ANKRD44: variants seen among roughly 807,000 people sequenced by gnomAD.
The protein encoded by ANKRD44 is serine/threonine-protein phosphatase 6 regulatory ankyrin repeat subunit B.
In ANKRD44, 35 loss-of-function variants were observed where a neutral mutation model predicts 116.0. That is an observed-to-expected ratio of 0.30 (90% CI 0.23 to 0.40). The LOEUF is 0.40. Ranked by LOEUF, ANKRD44 falls within the 10% of genes least tolerant of loss-of-function variation. The pLI, the probability that ANKRD44 is intolerant of heterozygous loss-of-function variation, is 1.00. For missense variants in ANKRD44, 1,014 were observed against 1,242.6 expected, an observed-to-expected ratio of 0.82 and a Z score of 2.77; for synonymous variants, 435 against 461.8, an observed-to-expected ratio of 0.94 and a Z score of 0.74.
chr2:196,973,600 A>T (rs2075730894), intron 21 of ANKRD44, among the ~76,000 whole-genome samples: 1 of 152,152 alleles, frequency 6.6e-6, no homozygotes, highest in Non-Finnish European at 1.5e-5. Context: ...TGGTTTTCCC[A>T]GTTCTTCTCA....
At chr2:197,288,019 CAAAAAA>C (rs10666895) in intron 1 of ANKRD44, among the ~76,000 whole-genome samples, 1 of 81,796 alleles carries the variant, frequency 1.2e-5, no homozygotes, top group South Asian at 4.9e-4. Flanking sequence ...GACTCAGTCT[CAAAAAA>C]AAAAAAAAAA....
intron 1 of ANKRD44, among the ~76,000 whole-genome samples, chr2:197,209,346 T>C (rs1033013032): frequency 6.6e-6 from 1 of 152,232 alleles, no homozygotes; most frequent in African/African-American, 2.4e-5. Context: ...AGAGTAAACC[T>C]GGCTTGAAAA....
chr2:197,109,640 A>G (rs1054516103), intron 9 of ANKRD44, among the ~76,000 whole-genome samples: 3 of 152,236 alleles, frequency 2.0e-5, no homozygotes, highest in African/African-American at 7.2e-5. Context: ...CTTATAGATG[A>G]GAAAAATACA....
Position 196,987,852 on chromosome 2 carries a change from TAGAA to T in ANKRD44, c.*1735_*1738del, listed in dbSNP as rs911721011. On this transcript the variant is annotated 3_prime_UTR_variant, in exon 28 of 28. Transcript: ENST00000282272. The stretch of plus-strand genomic sequence containing the variant: ...CAGTTAAAAACACATTTTTTTTTCT[TAGAA>T]AGCTATGGTGCAAACATAATTTTAT... 6 of 983,674 alleles carry T rather than the reference TAGAA, an allele frequency of 6.1e-6. No individual in the cohort carries two copies. In the African/African-American group the frequency reaches 1.0e-4, roughly 17 times the overall value. 60.9% of individuals were successfully genotyped at this position (983,674 alleles called of 1,614,324 possible).
intron 16 of ANKRD44, chr2:197,078,475 G>A: frequency 8.2e-7 from 1 of 1,224,352 alleles, no homozygotes; most frequent in Non-Finnish European, 1.1e-6. Context: ...ATGCTTTTGT[G>A]CTGTGCTTAA....
intron 2 of ANKRD44, among the ~76,000 whole-genome samples, chr2:197,173,202 T>A (rs2080283744): frequency 6.6e-6 from 1 of 152,220 alleles, no homozygotes; most frequent in Admixed American, 6.5e-5. Context: ...AATCATGTGA[T>A]CTTTCTAGAA....
intron 2 of ANKRD44, among the ~76,000 whole-genome samples, chr2:197,161,818 A>G (rs1008924946): frequency 6.6e-6 from 1 of 152,214 alleles, no homozygotes; most frequent in African/African-American, 2.4e-5. Flanking sequence ...GGGTTCAATC[A>G]GCTGAGGATC....
At chr2:197,157,605 G>A (rs1190669303) in intron 2 of ANKRD44, among the ~76,000 whole-genome samples, 1 of 146,196 alleles carries the variant, frequency 6.8e-6, no homozygotes, top group Non-Finnish European at 1.5e-5. Flanking sequence ...TTGAGCCCAA[G>A]AGGCAGAGGT....
At chr2:197,152,229 T>C (rs1329328125) in intron 2 of ANKRD44, among the ~76,000 whole-genome samples, 1 of 152,258 alleles carries the variant, frequency 6.6e-6, no homozygotes, top group Non-Finnish European at 1.5e-5. Context: ...AAGTGGACTC[T>C]CTGTGATGAC....
intron 17 of ANKRD44, among the ~76,000 whole-genome samples, chr2:197,024,938 C>CT (rs2076563196): frequency 6.6e-6 from 1 of 152,206 alleles, no homozygotes; most frequent in African/African-American, 2.4e-5. Context: ...TGCATTATCT[C>CT]TTTTCATTTG....
rs2081348257 is a variant in ANKRD44, at chr2:197,212,482, A to T, written c.28-25376T>A. ...AATCTACCAAGACCATAAGTTTTAG[A>T]AGGGCAGGGATTCGGTCACTGTGGT... On this transcript the variant is annotated intron_variant, in intron 1 of 27. Coordinates refer to ENST00000282272, the MANE Select transcript of ANKRD44 (RefSeq NM_001195144.2). The surrounding 1 kb of genome is among the most constrained non-coding windows in gnomAD (Gnocchi z 4.8). Among the ~76,000 whole-genome samples the T allele has an allele frequency of 6.6e-6, 1 of 152,214 alleles. No homozygotes were observed. Among genetic ancestry groups the T allele is most frequent in the Admixed American group, 6.5e-5 (1 of 15,284 alleles).
intron 2 of ANKRD44, among the ~76,000 whole-genome samples, chr2:197,179,062 C>A (rs60161827): frequency 5.9e-5 from 6 of 101,546 alleles, no homozygotes; most frequent in Admixed American, 5.0e-4. Context: ...CAGAGAGAGA[C>A]CCTGACTCTT....
chr2:197,052,273 G>A (rs1346341845), intron 16 of ANKRD44, among the ~76,000 whole-genome samples: 1 of 152,140 alleles, frequency 6.6e-6, no homozygotes, highest in African/African-American at 2.4e-5. Context: ...GACAACAGAT[G>A]TTAACCAAAC....
chr2:197,123,570 G>A (rs1037540559), intron 6 of ANKRD44, among the ~76,000 whole-genome samples: 2 of 152,228 alleles, frequency 1.3e-5, no homozygotes, highest in Non-Finnish European at 2.9e-5. Context: ...GGCAGAGGCT[G>A]CAGTGAGCCG....
intron 2 of ANKRD44, among the ~76,000 whole-genome samples, chr2:197,159,613 T>C (rs1047824810): frequency 1.3e-5 from 2 of 152,268 alleles, no homozygotes; most frequent in Non-Finnish European, 2.9e-5. Flanking sequence ...ATAATTGATA[T>C]GTGAGTGTGT....
Position 197,118,633 on chromosome 2 carries a change from G to GAAAGAAAGAAAGAA in ANKRD44, c.906+2698_906+2699insTTCTTTCTTTCTTT, listed in dbSNP as rs767547012. ...AGAAAGAAAGAGAGAGAGAGAGAGA[G>GAAAGAAAGAAAGAA]AGAGAGAAAGAAAGAAAGAAAGAAA... On this transcript the variant is annotated intron_variant, in intron 8 of 27. Transcript: ENST00000282272. 5.7e-3 allele frequency among the ~76,000 whole-genome samples: 276 copies of GAAAGAAAGAAAGAA among 48,738 alleles called. 1 individual carries two copies. Among genetic ancestry groups the GAAAGAAAGAAAGAA allele is most frequent in the African/African-American group, 0.014 (244 of 17,542 alleles). The allele number at this position is 48,738 out of a possible 152,430, so 32.0% of individuals were successfully genotyped here. A position where few individuals can be genotyped will look rare whatever the true frequency, so the allele number is the denominator to read the frequency against.
intron 2 of ANKRD44, among the ~76,000 whole-genome samples, chr2:197,183,513 C>A (rs1438182962): frequency 6.6e-6 from 1 of 152,154 alleles, no homozygotes; most frequent in Non-Finnish European, 1.5e-5. Flanking sequence ...TTCTTAACAA[C>A]CACTTCTCTT....
intron 3 of ANKRD44, among the ~76,000 whole-genome samples, chr2:197,144,272 A>G (rs1313784924): frequency 6.6e-6 from 1 of 152,234 alleles, no homozygotes; most frequent in Non-Finnish European, 1.5e-5. Flanking sequence ...GTAGGTTAAT[A>G]CAACAATGGA....
intron 1 of ANKRD44, among the ~76,000 whole-genome samples, chr2:197,209,686 G>T (rs771642155): frequency 6.6e-6 from 1 of 152,186 alleles, no homozygotes; most frequent in East Asian, 1.9e-4. Context: ...TTAAACATTG[G>T]TTGATTGGTC....
Sources: gnomAD v4.1 joint callset for allele counts (sites outside exome capture counted in the v4.1 genomes callset) on GRCh38, gnomAD v4.1.1 for gene constraint, Gnocchi (gnomAD v3.1) non-coding constraint, MANE v1.5 for transcripts, NCBI Gene and HGNC (gene_info 2026-07-23, HGNC 2026-07-21) for gene names.